TRIM66: variants seen among roughly 807,000 people sequenced by gnomAD.
The protein encoded by TRIM66 is tripartite motif containing 66.
Under a neutral mutation model 148.2 loss-of-function variants are expected in TRIM66, and 99 were observed. The ratio of observed to expected loss-of-function variants is 0.67; its 90% CI spans 0.57 to 0.79. TRIM66 has a LOEUF of 0.79. Ranked by LOEUF, TRIM66 falls within the 30% of genes least tolerant of loss-of-function variation. The pLI, the probability that TRIM66 is intolerant of heterozygous loss-of-function variation, is 0.00. For missense variants in TRIM66, 1,666 were observed against 1,697.9 expected (o/e 0.98, Z 0.33); for synonymous variants, 616 against 635.9 (o/e 0.97, Z 0.47).
chr11:8,651,693 A>C lies in TRIM66; in HGVS notation c.444+107T>G, dbSNP rs578004936. The C allele has an allele frequency of 3.9e-5, 35 of 907,330 alleles. No individual in the cohort carries two copies. In the East Asian group the frequency reaches 7.7e-4, roughly 20 times the overall value. The allele number at this position is 907,330 out of a possible 1,614,324, so 56.2% of individuals were successfully genotyped here. ...TGGATGATTAGGAAAACTGATGGAG[A>C]AGTAACAAATCAGATGATAGAGTGA... is the stretch of plus-strand genomic sequence containing the variant. On this transcript the variant is annotated intron_variant, in intron 7 of 24. Coordinates refer to ENST00000646038, the MANE Select transcript of TRIM66 (RefSeq NM_001388022.1).
intron 6 of TRIM66, among the ~76,000 whole-genome samples, chr11:8,653,701 T>A (rs760409977): frequency 1.7e-4 from 26 of 151,912 alleles, no homozygotes; most frequent in Non-Finnish European, 3.4e-4. Context: ...TGGCTTGTTA[T>A]GCAGTAAAAG....
chr11:8,682,719 C>G, upstream of TRIM66: 1 of 1,508,422 alleles, frequency 6.6e-7, no homozygotes, highest in Non-Finnish European at 9.2e-7. Flanking sequence ...GAAGCCCGGC[C>G]TCTGTGACCG....
chr11:8,677,055 G>A (rs1403590223), intron 3 of TRIM66, among the ~76,000 whole-genome samples: 1 of 152,078 alleles, frequency 6.6e-6, no homozygotes, highest in Non-Finnish European at 1.5e-5. Flanking sequence ...ATATTTACTG[G>A]AGTACCTTAA....
chr11:8,621,468 A>C, intron 19 of TRIM66, 147 bp from the exon 20 acceptor site: 3 of 1,310,326 alleles, frequency 2.3e-6, no homozygotes, highest in Non-Finnish European at 3.1e-6. Context: ...GAATGCTGGG[A>C]CACCTCACTC....
chr11:8,627,215 G>A (rs889342687), intron 15 of TRIM66, among the ~76,000 whole-genome samples: 1 of 152,154 alleles, frequency 6.6e-6, no homozygotes, highest in African/African-American at 2.4e-5. Flanking sequence ...AGACCCAAGA[G>A]CAGTGTCTGG....
At chr11:8,628,636 A>AAAAAAAAAAAAAAAGAGAGAG (rs1555042270) in intron 15 of TRIM66, among the ~76,000 whole-genome samples, 16 of 93,378 alleles carry the variant, frequency 1.7e-4, no homozygotes, top group African/African-American at 3.9e-4. Flanking sequence ...AAAAAAAAAA[A>AAAAAAAAAAAAAAAGAGAGAG]AGAGAGAGAA....
chr11:8,627,706 G>A (rs896591283), intron 15 of TRIM66, among the ~76,000 whole-genome samples: 7 of 152,176 alleles, frequency 4.6e-5, no homozygotes, highest in African/African-American at 1.4e-4. Flanking sequence ...TTTGTGTACT[G>A]TATATAGAAA....
At position 8,643,949 on chromosome 11, in the gene TRIM66, C is replaced by T. The variant is rs148416272; in HGVS notation, c.1105-823G>A. 2.0e-4 allele frequency among the ~76,000 whole-genome samples: 30 copies of T among 152,270 alleles called. No individual in the cohort carries two copies. The East Asian group carries it at 4.8e-3, about 24-fold the overall frequency. ...ATCCTCTAGTTAACTAATGTCCCAA[C>T]GAACATCTTAGCCTCTCATTTCATT... On this transcript the variant is annotated intron_variant, in intron 12 of 24. Transcript: ENST00000646038.
Position 8,619,404 on chromosome 11 carries a change from C to A in TRIM66, c.3879G>T (p.Trp1293Cys), listed in dbSNP as rs2033984472. ...EVVSDVRLMFWNCAKFNYPDS... is the reference protein window; with the variant it reads ...EVVSDVRLMFCNCAKFNYPDS... ...ATACATAATTGAACTTAGCACAGTT[C>A]CAGAACATGAGGCGCACATCTGATA... Residue 1293 changes from tryptophan to cysteine, a missense_variant, in exon 23 of 25, where the codon TGG becomes TGT. Physicochemically the swap from Trp to Cys is radical, Grantham distance 215. Coordinates refer to ENST00000646038, the MANE Select transcript of TRIM66 (RefSeq NM_001388022.1). The A allele has an allele frequency of 6.6e-7, 1 of 1,522,518 alleles. No homozygotes were observed. The highest frequency in any genetic ancestry group is 8.8e-7 in the Non-Finnish European group (1 of 1,136,048). The allele number at this position is 1,522,518 out of a possible 1,614,324, so 94.3% of individuals were successfully genotyped here. A position where few individuals can be genotyped will look rare whatever the true frequency, so the allele number is the denominator to read the frequency against.
At chr11:8,663,783 T>C (rs531751218) in intron 6 of TRIM66, among the ~76,000 whole-genome samples, 2 of 152,124 alleles carry the variant, frequency 1.3e-5, no homozygotes, top group East Asian at 3.9e-4. Flanking sequence ...ATATACACAA[T>C]ACTATTCAAC....
intron 6 of TRIM66, among the ~76,000 whole-genome samples, chr11:8,670,175 G>T (rs906044887): frequency 6.6e-6 from 1 of 151,988 alleles, no homozygotes; most frequent in Non-Finnish European, 1.5e-5. Context: ...ACCATGCCCG[G>T]CTAATTTTTG....
chr11:8,618,859 G>C lies in TRIM66; in HGVS notation c.4010C>G (p.Ser1337Ter). The change falls in exon 24 of 25, where the codon TCA (serine) becomes TGA (stop). Residue 1337 changes from serine (S) to a stop codon, truncating the protein, a stop_gained. Transcript: ENST00000646038. LOFTEE classifies it high-confidence loss of function. ...CTCACTAGACACCTCCTCGGAGTCT[G>C]AGTCCTCCTGCCTTGGCTGGGCAAA... ...KRFAQPRQED[S>*]DSEEVSSESG... The C allele has an allele frequency of 6.4e-7, 1 of 1,551,466 alleles. No individual in the cohort carries two copies. The highest frequency in any genetic ancestry group is 8.7e-7 in the Non-Finnish European group (1 of 1,146,960).
Position 8,619,385 on chromosome 11 carries a change from A to G in TRIM66, c.3898T>C (p.Tyr1300His). Residue 1300 changes from tyrosine (Y) to histidine (H), a missense_variant and splice_region_variant, in exon 23 of 25, where the codon TAT becomes CAT. Physicochemically the swap from Tyr to His is moderately conservative, Grantham distance 83. Coordinates refer to ENST00000646038, the MANE Select transcript of TRIM66 (RefSeq NM_001388022.1). Reference sequence around the variant, plus strand: ...GAGGGAAAACAGGCAAGACATACATAATTGAACTTAGCACAGTTCCAGAAC... The same window carrying G: ...GAGGGAAAACAGGCAAGACATACATGATTGAACTTAGCACAGTTCCAGAAC... ...LMFWNCAKFN[Y>H]PDSEVAEAGR... The G allele has an allele frequency of 6.6e-7, 1 of 1,506,250 alleles. No homozygotes were observed. The highest frequency in any genetic ancestry group is 1.4e-5 in the African/African-American group (1 of 71,200). 93.3% of individuals were successfully genotyped at this position (1,506,250 alleles called of 1,614,324 possible). A position where few individuals can be genotyped will look rare whatever the true frequency, so the allele number is the denominator to read the frequency against.
At position 8,618,896 on chromosome 11, in the gene TRIM66, G is replaced by C. The variant is rs1344797017; in HGVS notation, c.3973C>G (p.Pro1325Ala). 1 of 1,549,080 alleles carries C rather than the reference G, an allele frequency of 6.5e-7. No homozygotes were observed. The highest frequency in any genetic ancestry group is 8.7e-7 in the Non-Finnish European group (1 of 1,146,154). Residue 1325 changes from proline (P) to alanine (A), a missense_variant, in exon 24 of 25, where the codon CCG (proline) becomes GCG (alanine). By Grantham distance (27) the Pro-to-Ala change is conservative (BLOSUM62 -1). This residue lies in a region of TRIM66 where 204 missense variants were observed against 231.0 expected (regional missense o/e 0.88). Transcript: ENST00000646038. ...FFEGWLKEIYPEKRFAQPRQE... is the reference protein window; with the variant it reads ...FFEGWLKEIYAEKRFAQPRQE... ...CTTGGCTGGGCAAACCGTTTCTCCG[G>C]GTAGATCTCCTTCAACCAGCCCTCA...
At chr11:8,657,498 T>C (rs916135549) in intron 6 of TRIM66, among the ~76,000 whole-genome samples, 3 of 152,070 alleles carry the variant, frequency 2.0e-5, no homozygotes, top group Non-Finnish European at 4.4e-5. Flanking sequence ...TAAAATCACA[T>C]GGCCCTTGTA....
rs2039499766 is a variant in TRIM66, at chr11:8,682,646, C to T, written c.-593G>A. 4.0e-6 allele frequency: 3 copies of T among 751,672 alleles called. No individual in the cohort carries two copies. Among genetic ancestry groups the T allele is most frequent in the African/African-American group, 1.8e-5 (1 of 56,834 alleles). 46.6% of individuals were successfully genotyped at this position (751,672 alleles called of 1,614,324 possible). ...AGGACACTCCGTGATGGGGGATCAC[C>T]ACCCTCAGAAAGAGGAAGCGACTAG... is the stretch of plus-strand genomic sequence containing the variant. On this transcript the variant is annotated 5_prime_UTR_variant, in exon 1 of 25. Transcript: ENST00000646038.
rs2034628228 is a variant in TRIM66, at chr11:8,624,564, A to G, written c.2827-13T>C. On this transcript the variant is annotated splice_polypyrimidine_tract_variant and intron_variant, in intron 16 of 24. Coordinates refer to ENST00000646038, the MANE Select transcript of TRIM66 (RefSeq NM_001388022.1). ...CCTCACTTTCCATCTTTCAAAAGTG[A>G]AATGTCGACAAGAATCAAAGAACTC... The G allele has an allele frequency of 3.3e-6, 5 of 1,519,986 alleles. No homozygotes were observed. Among genetic ancestry groups the G allele is most frequent in the Non-Finnish European group, 4.4e-6 (5 of 1,133,462 alleles). 94.2% of individuals were successfully genotyped at this position (1,519,986 alleles called of 1,614,324 possible). A position where few individuals can be genotyped will look rare whatever the true frequency, so the allele number is the denominator to read the frequency against.
Position 8,614,851 on chromosome 11 carries a change from T to C in TRIM66, c.*3093A>G, listed in dbSNP as rs891265963. The C allele has an allele frequency of 6.6e-6, 1 of 152,218 alleles. No homozygotes were observed. The highest frequency in any genetic ancestry group is 1.5e-5 in the Non-Finnish European group (1 of 68,074). The allele number at this position is 152,218 out of a possible 1,614,324, so 9.4% of individuals were successfully genotyped here. A position where few individuals can be genotyped will look rare whatever the true frequency, so the allele number is the denominator to read the frequency against. ...GGGTCCTAGAGGCAGGCAAGGTGTA[T>C]AGTTAGCAATTGCTAGAAGTCAGGC... On this transcript the variant is annotated 3_prime_UTR_variant, in exon 25 of 25. Transcript: ENST00000646038.
chr11:8,682,583 T>C lies in TRIM66; in HGVS notation c.-548+18A>G. 1 of 597,056 alleles carries C rather than the reference T, an allele frequency of 1.7e-6. No homozygotes were observed. The highest frequency in any genetic ancestry group is 3.0e-6 in the Non-Finnish European group (1 of 334,216). The allele number at this position is 597,056 out of a possible 1,614,324, so 37.0% of individuals were successfully genotyped here. ...TTCAACAGTTCTCGCCCTCCGAGCCTAGCACAACGAGCCTCACCGAAACCG... is the reference window on the plus strand; with the variant it reads ...TTCAACAGTTCTCGCCCTCCGAGCCCAGCACAACGAGCCTCACCGAAACCG... On this transcript the variant is annotated intron_variant, in intron 1 of 24. Coordinates refer to ENST00000646038, the MANE Select transcript of TRIM66 (RefSeq NM_001388022.1).
Sources: gnomAD v4.1 joint callset for allele counts (sites outside exome capture counted in the v4.1 genomes callset) on GRCh38, gnomAD v4.1.1 for gene constraint, gnomAD v4.1.1 regional missense constraint, MANE v1.5 for transcripts, NCBI Gene and HGNC (gene_info 2026-07-23, HGNC 2026-07-21) for gene names.